Variants in SUSD1 observed in about 807,000 individuals in gnomAD.
SUSD1 encodes the protein sushi domain-containing protein 1.
In SUSD1, 65 loss-of-function variants were observed where a neutral mutation model predicts 86.9. The observed-to-expected ratio is 0.75, with a 90% CI of 0.61 to 0.92. The LOEUF (loss-of-function observed/expected upper bound fraction) is 0.92. Ranked by LOEUF, SUSD1 falls within the 40% of genes least tolerant of loss-of-function variation. The probability of loss-of-function intolerance (pLI) is 0.00; values close to 1 mark genes in which losing one functional copy is unlikely to be tolerated. For missense variants in SUSD1, 850 were observed against 929.7 expected (o/e 0.91, Z 1.11); for synonymous variants, 346 against 350.0 (o/e 0.99, Z 0.13).
chr9:112,080,425 C>A (rs574375624), intron 10 of SUSD1, among the ~76,000 whole-genome samples: 52 of 152,288 alleles, frequency 3.4e-4, no homozygotes, highest in East Asian at 1.2e-3. Context: ...CAGTGGCTCA[C>A]GCCTGTAACC....
intron 1 of SUSD1, among the ~76,000 whole-genome samples, chr9:112,163,483 A>T (rs975623037): frequency 8.6e-5 from 13 of 151,938 alleles, no homozygotes; most frequent in Middle Eastern, 3.4e-3. Flanking sequence ...AAAAAAAAAA[A>T]TTTAATTAGC....
At chr9:112,070,022 T>A (rs1285942608) in intron 12 of SUSD1, among the ~76,000 whole-genome samples, 1 of 152,240 alleles carries the variant, frequency 6.6e-6, no homozygotes, top group Non-Finnish European at 1.5e-5. Flanking sequence ...TTTTGCTTTT[T>A]GAGATGGAGT....
In SUSD1 at chr9:112,149,349, AT is replaced by A; in HGVS notation, c.267del (p.Ser90LeufsTer37). The A allele has an allele frequency of 1.9e-6, 3 of 1,614,150 alleles. No individual in the cohort carries two copies. The highest frequency in any genetic ancestry group is 2.5e-6 in the Non-Finnish European group (3 of 1,180,032). ...AAGCCCCCGGGGGTGTTGTGGCAAG[AT>A]GTGTGGTTCCCACAGACAAGAGTGG... The part of the protein sequence containing the change: ...FGATLVCGNH[T>X]SCHNTPGGFY... On this transcript the variant is annotated frameshift_variant, in exon 3 of 17. Transcript: ENST00000374270. LOFTEE classifies it high-confidence loss of function.
At chr9:112,145,358 C>T (rs1431833409) in intron 3 of SUSD1, among the ~76,000 whole-genome samples, 1 of 147,098 alleles carries the variant, frequency 6.8e-6, no homozygotes, top group Admixed American at 6.9e-5. Context: ...TGGCTTATTG[C>T]AACCGCTGCC....
chr9:112,097,376 G>T (rs1830440854), intron 10 of SUSD1, among the ~76,000 whole-genome samples: 1 of 148,656 alleles, frequency 6.7e-6, no homozygotes, highest in African/African-American at 2.5e-5. Context: ...TCTCATGAGT[G>T]TCTAACACAT....
At chr9:112,168,160 G>A (rs1316307293) in intron 1 of SUSD1, among the ~76,000 whole-genome samples, 5 of 152,174 alleles carry the variant, frequency 3.3e-5, no homozygotes, top group African/African-American at 1.2e-4. Flanking sequence ...GTCAGACATT[G>A]TTATAAGCAA....
rs148365308 is a variant in SUSD1, at chr9:112,063,433, C to T, written c.1754-400G>A. Among the ~76,000 whole-genome samples the T allele has an allele frequency of 8.9e-4, 135 of 152,260 alleles. 1 individual carries two copies. The highest frequency in any genetic ancestry group is 3.1e-3 in the African/African-American group (129 of 41,548). On this transcript the variant is annotated intron_variant, in intron 12 of 16. Transcript: ENST00000374270. ...TGTGTGCTTCAAGATGTTAAAATGG[C>T]ACATTTTATGTGATGTGTATTTTGC...
At position 112,113,136 on chromosome 9, in the gene SUSD1, T is replaced by C. The variant is rs1475137945; in HGVS notation, c.887-268A>G. On this transcript the variant is annotated intron_variant, in intron 6 of 16. Transcript: ENST00000374270. This position sits in a 1 kb window ranked among gnomAD's most constrained non-coding sequence, Gnocchi z 4.1. ...TCAGAATTCTAACCTGTGATTCACC[T>C]GACAGGCCACTGGATGCCACTGGCA... Among the ~76,000 whole-genome samples the C allele has an allele frequency of 2.6e-5, 4 of 152,194 alleles. No individual in the cohort carries two copies. Among genetic ancestry groups the C allele is most frequent in the Non-Finnish European group, 4.4e-5 (3 of 68,036 alleles).
At chr9:112,073,034 C>T (rs969801759) in intron 12 of SUSD1, among the ~76,000 whole-genome samples, 5 of 152,148 alleles carry the variant, frequency 3.3e-5, no homozygotes, top group African/African-American at 9.7e-5. Flanking sequence ...AGAGAAGCCT[C>T]GGTAAAAGAA....
intron 6 of SUSD1, 24 bp downstream of exon 6, chr9:112,124,233 A>G (rs1831671138): frequency 1.3e-6 from 2 of 1,589,200 alleles, no homozygotes; most frequent in Non-Finnish European, 1.7e-6. Flanking sequence ...CCTGGGTAGC[A>G]GGAGCCCAGA....
intron 13 of SUSD1, among the ~76,000 whole-genome samples, chr9:112,062,625 G>C (rs1828778886): frequency 6.6e-6 from 1 of 152,144 alleles, no homozygotes; most frequent in Non-Finnish European, 1.5e-5. Context: ...CACCCAGCAG[G>C]TGGAGGTTGC....
At chr9:112,100,233 C>T (rs1830573071) in intron 9 of SUSD1, among the ~76,000 whole-genome samples, 1 of 152,120 alleles carries the variant, frequency 6.6e-6, no homozygotes, top group Admixed American at 6.5e-5. Context: ...GTCGCCCAGG[C>T]TGGAGTACAG....
At chr9:112,070,518 C>T (rs1008486734) in intron 12 of SUSD1, among the ~76,000 whole-genome samples, 2 of 152,162 alleles carry the variant, frequency 1.3e-5, no homozygotes, top group Non-Finnish European at 2.9e-5. Context: ...GATTTAGACC[C>T]AAGGCAAGAA....
At chr9:112,152,202 C>CAA (rs199561925) in intron 2 of SUSD1, among the ~76,000 whole-genome samples, 12 of 60,448 alleles carry the variant, frequency 2.0e-4, no homozygotes, top group African/African-American at 1.8e-4. Context: ...GACTCTGTCT[C>CAA]AAAAAAAAAA....
At chr9:112,094,164 C>A (rs140367394) in intron 10 of SUSD1, among the ~76,000 whole-genome samples, 121 of 152,298 alleles carry the variant, frequency 7.9e-4, no homozygotes, top group African/African-American at 2.8e-3. Context: ...TTTTCATAAG[C>A]TCTCCAGGTA....
At chr9:112,097,512 C>G (rs1036938547) in intron 10 of SUSD1, among the ~76,000 whole-genome samples, 1 of 150,516 alleles carries the variant, frequency 6.6e-6, no homozygotes, top group African/African-American at 2.4e-5. Flanking sequence ...ATTCTCTTGC[C>G]TCAGCCTCCC....
At chr9:112,048,328 T>G (rs1828043172) in intron 15 of SUSD1, among the ~76,000 whole-genome samples, 1 of 152,198 alleles carries the variant, frequency 6.6e-6, no homozygotes, top group East Asian at 1.9e-4. Flanking sequence ...GGAACCATAT[T>G]AGAATTCTTC....
intron 15 of SUSD1, among the ~76,000 whole-genome samples, chr9:112,045,783 A>T (rs1004848046): frequency 6.6e-6 from 1 of 152,212 alleles, no homozygotes; most frequent in African/African-American, 2.4e-5. Flanking sequence ...AGGTTTATTG[A>T]AGATCATTTG....
In SUSD1 at chr9:112,138,255, ATGTG is replaced by A. The variant is rs1162510951; in HGVS notation, c.706+4061_706+4064del. On this transcript the variant is annotated intron_variant, in intron 5 of 16. Coordinates refer to ENST00000374270, the MANE Select transcript of SUSD1 (RefSeq NM_022486.5). ...AAAATGTGTATATATATATATATAT[ATGTG>A]TATATACATATATATATATATGAAG... Among the ~76,000 whole-genome samples, 227 of 100,816 alleles carry A rather than the reference ATGTG, an allele frequency of 2.3e-3. 2 individuals are homozygous for A. The highest frequency in any genetic ancestry group is 3.6e-3 in the African/African-American group (85 of 23,530). 66.1% of individuals were successfully genotyped at this position (100,816 alleles called of 152,430 possible). A position where few individuals can be genotyped will look rare whatever the true frequency, so the allele number is the denominator to read the frequency against.
Sources: allele counts gnomAD v4.1 joint callset (sites outside exome capture counted in the v4.1 genomes callset), GRCh38; gene constraint gnomAD v4.1.1; non-coding constraint Gnocchi (gnomAD v3.1); transcripts MANE v1.5; gene names NCBI Gene and HGNC (gene_info 2026-07-23, HGNC 2026-07-21).